Variants in GPR3 observed in about 807,000 individuals in gnomAD.
The protein encoded by GPR3 is ACCA orphan receptor.
In GPR3, 16 loss-of-function variants were observed where a neutral mutation model predicts 18.2. The ratio of observed to expected loss-of-function variants is 0.88; its 90% CI spans 0.60 to 1.34. The LOEUF (loss-of-function observed/expected upper bound fraction) is 1.34, where lower values mean the gene tolerates loss of function less well. Among genes scored for constraint, GPR3 ranks in the 40% most tolerant of loss-of-function variants. The pLI, the probability that GPR3 is intolerant of heterozygous loss-of-function variation, is 0.00. For missense variants in GPR3, 326 were observed against 427.6 expected, an observed-to-expected ratio of 0.76 and a Z score of 2.10; for synonymous variants, 183 against 188.9, an observed-to-expected ratio of 0.97 and a Z score of 0.26.
intron 1 of GPR3, 87 bp from the exon 2 acceptor site, chr1:27,393,707 C>T (rs537979430): frequency 1.1e-4 from 122 of 1,116,916 alleles, no homozygotes; most frequent in Non-Finnish European, 1.5e-4. Context: ...ACTCCCACCA[C>T]GTATCCTGAG....
At position 27,394,945 on chromosome 1, in the gene GPR3, C is replaced by G; in HGVS notation, c.*154C>G. ...GGGTGTTTCAAGGTTCTGTTCAGAT[C>G]CCTATGGGGGCCCAGCTGGCTCCAC... On this transcript the variant is annotated 3_prime_UTR_variant, in exon 2 of 2. Transcript: ENST00000374024. 1.3e-6 allele frequency: 1 copy of G among 766,160 alleles called. No homozygotes were observed. The highest frequency in any genetic ancestry group is 1.8e-5 in the South Asian group (1 of 54,804). The allele number at this position is 766,160 out of a possible 1,614,324, so 47.5% of individuals were successfully genotyped here. A position where few individuals can be genotyped will look rare whatever the true frequency, so the allele number is the denominator to read the frequency against.
chr1:27,394,386 A>G lies in GPR3; in HGVS notation c.588A>G (p.Val196=), dbSNP rs1245173375. The change falls in exon 2 of 2, where the codon GTA becomes GTG. Residue 196 remains valine, a synonymous_variant. Coordinates refer to ENST00000374024, the MANE Select transcript of GPR3 (RefSeq NM_005281.4). ...VVYPLSKNHL[V]VLAIAFFMVF... ...ATCCACTCTCCAAGAACCATCTGGTAGTTCTGGCCATTGCCTTCTTCATGG... is the reference window on the plus strand; with the variant it reads ...ATCCACTCTCCAAGAACCATCTGGTGGTTCTGGCCATTGCCTTCTTCATGG... 6.2e-7 allele frequency: 1 copy of G among 1,614,152 alleles called. No individual in the cohort carries two copies. The highest frequency in any genetic ancestry group is 1.7e-5 in the Admixed American group (1 of 60,028).
chr1:27,394,771 C>T lies in GPR3; in HGVS notation c.973C>T (p.Arg325Cys), dbSNP rs201745801. The T allele has an allele frequency of 1.9e-5, 31 of 1,613,878 alleles. No homozygotes were observed. The highest frequency in any genetic ancestry group is 1.8e-4 in the East Asian group (8 of 44,886). Residue 325 changes from arginine to cysteine, a missense_variant, in exon 2 of 2, where the codon CGC (arginine) becomes TGC (cysteine). Transcript: ENST00000374024. ...CTCTTCCAAGATCCCCTTCCGATCC[C>T]GCTCCCCCAGTGATGTCTAGCTGAG... Reference protein sequence around the residue: ...CSSSKIPFRSRSPSDV With the variant: ...CSSSKIPFRSCSPSDV
Position 27,394,284 on chromosome 1 carries a change from A to G in GPR3, c.486A>G (p.Gly162=). The G allele has an allele frequency of 6.2e-7, 1 of 1,613,040 alleles. No homozygotes were observed. The highest frequency in any genetic ancestry group is 8.5e-7 in the Non-Finnish European group (1 of 1,180,006). The change falls in exon 2 of 2, where the codon GGA becomes GGG. Residue 162 remains glycine (G), a synonymous_variant. Coordinates refer to ENST00000374024, the MANE Select transcript of GPR3 (RefSeq NM_005281.4). ...RTYVMLALVW[G]GALGLGLLPV... is the part of the protein sequence containing the mutation. ...ATGTGATGCTGGCCTTAGTGTGGGG[A>G]GGTGCCCTGGGCCTGGGGCTGCTGC...
rs748093570 is a variant in GPR3, at chr1:27,394,843, AG to A, written c.*54del. 1.9e-6 allele frequency: 3 copies of A among 1,568,908 alleles called. No homozygotes were observed. The highest frequency in any genetic ancestry group is 1.7e-6 in the Non-Finnish European group (2 of 1,152,476). The stretch of plus-strand genomic sequence containing the variant: ...GATTACTACAGAATTCCAGAATGTT[AG>A]GCTCTCCAGGGCTTCTTTCCAAACC... On this transcript the variant is annotated 3_prime_UTR_variant, in exon 2 of 2. Transcript: ENST00000374024.
rs770104247 is a variant in GPR3, at chr1:27,394,413, G to T, written c.615G>T (p.Val205=). The T allele has an allele frequency of 2.2e-5, 35 of 1,614,018 alleles. No homozygotes were observed. In the Admixed American group the frequency reaches 5.7e-4, roughly 26 times the overall value. Residue 205 remains valine (V), a synonymous_variant, in exon 2 of 2, where the codon GTG becomes GTT. Coordinates refer to ENST00000374024, the MANE Select transcript of GPR3 (RefSeq NM_005281.4). ...LVVLAIAFFM[V]FGIMLQLYAQ... ...TTCTGGCCATTGCCTTCTTCATGGT[G>T]TTTGGCATCATGCTGCAGCTCTACG...
At chr1:27,393,107 G>T (rs1435662927) in intron 1 of GPR3, among the ~76,000 whole-genome samples, 1 of 151,996 alleles carries the variant, frequency 6.6e-6, no homozygotes, top group Non-Finnish European at 1.5e-5. Context: ...AAATCCAGGT[G>T]TCCGGGCAGA....
chr1:27,394,470 C>T lies in GPR3; in HGVS notation c.672C>T (p.Ala224=). Residue 224 remains alanine (A), a synonymous_variant, in exon 2 of 2, where the codon GCC becomes GCT. Coordinates refer to ENST00000374024, the MANE Select transcript of GPR3 (RefSeq NM_005281.4). ...AQICRIVCRH[A]QQIALQRHLL... is the part of the protein sequence containing the mutation. ...TCTGCCGCATCGTCTGCCGCCATGCCCAGCAGATTGCCCTTCAGCGGCACC... is the reference window on the plus strand; with the variant it reads ...TCTGCCGCATCGTCTGCCGCCATGCTCAGCAGATTGCCCTTCAGCGGCACC... 1.2e-6 allele frequency: 2 copies of T among 1,614,130 alleles called. No homozygotes were observed. The highest frequency in any genetic ancestry group is 1.1e-5 in the South Asian group (1 of 91,084).
rs1207194598 is a variant in GPR3 at position 27,394,115 on chromosome 1, C to T, written c.317C>T (p.Ala106Val). Residue 106 changes from alanine (A) to valine (V), a missense_variant, in exon 2 of 2, where the codon GCG becomes GTG. Transcript: ENST00000374024. ...HFAAVFCIGS[A>V]EMSLVLVGVL... ...GCTGCTGTCTTCTGCATCGGCTCAG[C>T]GGAGATGAGCCTGGTGCTGGTTGGC... 3.3e-5 allele frequency: 53 copies of T among 1,612,176 alleles called. No individual in the cohort carries two copies. The highest frequency in any genetic ancestry group is 4.5e-5 in the East Asian group (2 of 44,888).
At position 27,394,034 on chromosome 1, in the gene GPR3, T is replaced by C. The variant is rs34585631; in HGVS notation, c.236T>C (p.Val79Ala). 1 of 1,611,448 alleles carries C rather than the reference T, an allele frequency of 6.2e-7. No individual in the cohort carries two copies. Among genetic ancestry groups the C allele is most frequent in the South Asian group, 1.1e-5 (1 of 91,078 alleles). ...TTCCGTGCCCCCATGTTCCTGCTGG[T>C]GGGCAGCCTGGCCGTGGCAGACCTG... Reference protein sequence around the residue: ...PAFRAPMFLLVGSLAVADLLA... With the variant: ...PAFRAPMFLLAGSLAVADLLA... Residue 79 changes from valine (V) to alanine (A), a missense_variant, in exon 2 of 2, where the codon GTG becomes GCG. Coordinates refer to ENST00000374024, the MANE Select transcript of GPR3 (RefSeq NM_005281.4).
At position 27,394,160 on chromosome 1, in the gene GPR3, C is replaced by G; in HGVS notation, c.362C>G (p.Thr121Ser). Residue 121 changes from threonine to serine, a missense_variant, in exon 2 of 2, where the codon ACC (threonine) becomes AGC (serine). Thr to Ser is a moderately conservative substitution (Grantham distance 58). Transcript: ENST00000374024. ...VLVGVLAMAF[T>S]ASIGSLLAIT... Reference sequence around the variant, plus strand: ...GTTGGCGTGCTGGCAATGGCCTTTACCGCCAGCATCGGCAGTCTACTGGCC... The same window carrying G: ...GTTGGCGTGCTGGCAATGGCCTTTAGCGCCAGCATCGGCAGTCTACTGGCC... 1 of 1,613,790 alleles carries G rather than the reference C, an allele frequency of 6.2e-7. No individual in the cohort carries two copies. The highest frequency in any genetic ancestry group is 8.5e-7 in the Non-Finnish European group (1 of 1,180,024).
At chr1:27,392,798 C>T (rs2016501716) in intron 1 of GPR3, 61 bp downstream of exon 1, 1 of 152,478 alleles carries the variant, frequency 6.6e-6, no homozygotes, top group East Asian at 1.9e-4. Flanking sequence ...GATGCTGGGG[C>T]ACTGGGCCGG....
intron 1 of GPR3, among the ~76,000 whole-genome samples, chr1:27,393,570 T>C (rs1193337439): frequency 2.0e-5 from 3 of 151,946 alleles, no homozygotes; most frequent in African/African-American, 7.3e-5. Context: ...AGGACAGGGA[T>C]CCCCAGGAAG....
At chr1:27,393,503 C>T (rs1341701239) in intron 1 of GPR3, among the ~76,000 whole-genome samples, 3 of 152,104 alleles carry the variant, frequency 2.0e-5, no homozygotes, top group Non-Finnish European at 4.4e-5. Context: ...CTTATAGTAC[C>T]CCTTCTTCTG....
Position 27,395,073 on chromosome 1 carries a change from G to A in GPR3, c.*282G>A. On this transcript the variant is annotated 3_prime_UTR_variant, in exon 2 of 2. Transcript: ENST00000374024. ...TGGGAGTTTTACAGTGCCATTCCAA[G>A]TCCCAGATGTCCCTCTTCCCCCAAA... The A allele has an allele frequency of 2.3e-6, 1 of 426,578 alleles. No individual in the cohort carries two copies. The highest frequency in any genetic ancestry group is 2.0e-5 in the African/African-American group (1 of 49,946). The allele number at this position is 426,578 out of a possible 1,614,324, so 26.4% of individuals were successfully genotyped here.
chr1:27,394,259 A>T lies in GPR3; in HGVS notation c.461A>T (p.Tyr154Phe), dbSNP rs201971266. The T allele has an allele frequency of 6.2e-7, 1 of 1,613,348 alleles. No individual in the cohort carries two copies. The highest frequency in any genetic ancestry group is 1.3e-5 in the African/African-American group (1 of 75,014). The change falls in exon 2 of 2, where the codon TAT becomes TTT. Residue 154 changes from tyrosine to phenylalanine, a missense_variant. By Grantham distance (22) the Tyr-to-Phe change is conservative. Transcript: ENST00000374024. ...YYSETTVTRT[Y>F]VMLALVWGGA... ...TCAGAGACAACAGTGACACGGACCT[A>T]TGTGATGCTGGCCTTAGTGTGGGGA... is the stretch of plus-strand genomic sequence containing the variant.
At position 27,394,881 on chromosome 1, in the gene GPR3, AC is replaced by A. The variant is rs2016529090; in HGVS notation, c.*96del. 6 of 1,362,324 alleles carry A rather than the reference AC, an allele frequency of 4.4e-6. No homozygotes were observed. Among genetic ancestry groups the A allele is most frequent in the Non-Finnish European group, 6.1e-6 (6 of 982,424 alleles). 84.4% of individuals were successfully genotyped at this position (1,362,324 alleles called of 1,614,324 possible). On this transcript the variant is annotated 3_prime_UTR_variant, in exon 2 of 2. Coordinates refer to ENST00000374024, the MANE Select transcript of GPR3 (RefSeq NM_005281.4). ...CTTCTTTCCAAACCCCCAGCTCCAC[AC>A]CCCCCAGACCCAGCTGGTTCTGGAG...
rs949517675 is a variant in GPR3, at chr1:27,394,138, G to A, written c.340G>A (p.Gly114Ser). The A allele has an allele frequency of 6.2e-7, 1 of 1,613,346 alleles. No homozygotes were observed. The highest frequency in any genetic ancestry group is 8.5e-7 in the Non-Finnish European group (1 of 1,180,022). ...GSAEMSLVLVGVLAMAFTASI... is the reference protein window; with the variant it reads ...GSAEMSLVLVSVLAMAFTASI... ...AGCGGAGATGAGCCTGGTGCTGGTT[G>A]GCGTGCTGGCAATGGCCTTTACCGC... is the stretch of plus-strand genomic sequence containing the variant. Residue 114 changes from glycine (G) to serine (S), a missense_variant, in exon 2 of 2, where the codon GGC becomes AGC. Transcript: ENST00000374024.
At position 27,394,945 on chromosome 1, in the gene GPR3, C is replaced by T. The variant is rs1050524991; in HGVS notation, c.*154C>T. 1.3e-6 allele frequency: 1 copy of T among 766,040 alleles called. No individual in the cohort carries two copies. The highest frequency in any genetic ancestry group is 1.8e-5 in the African/African-American group (1 of 56,626). The allele number at this position is 766,040 out of a possible 1,614,324, so 47.5% of individuals were successfully genotyped here. A position where few individuals can be genotyped will look rare whatever the true frequency, so the allele number is the denominator to read the frequency against. ...GGGTGTTTCAAGGTTCTGTTCAGAT[C>T]CCTATGGGGGCCCAGCTGGCTCCAC... On this transcript the variant is annotated 3_prime_UTR_variant, in exon 2 of 2. Transcript: ENST00000374024.
Sources: allele counts gnomAD v4.1 joint callset (sites outside exome capture counted in the v4.1 genomes callset), GRCh38; gene constraint gnomAD v4.1.1; transcripts MANE v1.5; gene names NCBI Gene and HGNC (gene_info 2026-07-23, HGNC 2026-07-21).